The following SIN3B variants were observed in gnomAD, a reference collection of about 807,000 sequenced individuals.
SIN3B encodes the protein SIN3 transcription regulator family member B, also known as paired amphipathic helix protein Sin3b.
SIN3B carries 19 observed loss-of-function variants against 120.2 expected under a neutral mutation model. The ratio of observed to expected loss-of-function variants is 0.16; its 90% confidence interval spans 0.11 to 0.23. SIN3B has a LOEUF of 0.23. SIN3B is among the 10% of genes least tolerant of loss of function. The pLI is 1.00. For synonymous variants in SIN3B, 654 were observed against 653.2 expected (o/e 1.00, Z -0.02); for missense variants, 1,073 against 1,573.0 (o/e 0.68, Z 5.38).
chr19:16,855,382 C>A (rs868661896), intron 8 of SIN3B: 1 of 126,136 alleles, frequency 7.9e-6, no homozygotes, highest in Non-Finnish European at 1.8e-5. Context: ...CCCCCCCCCC[C>A]CCCAGCAAAA....
rs1274325390 is a variant in SIN3B at position 16,865,452 on chromosome 19, T to C, written c.1426T>C (p.Leu476=). Residue 476 remains leucine, a synonymous_variant, in exon 11 of 19, where the codon TTG becomes CTG. Coordinates refer to ENST00000248054, the MANE Select transcript of SIN3B (RefSeq NM_001297595.2). ...GACGAACCTGGCCACAATCCGTGTGTTGGAAAGTGTGCAGAAGAAGCTGTC... is the reference window on the plus strand; with the variant it reads ...GACGAACCTGGCCACAATCCGTGTGCTGGAAAGTGTGCAGAAGAAGCTGTC... ...LETNLATIRV[L]ESVQKKLSRM... The C allele has an allele frequency of 6.2e-7, 1 of 1,611,606 alleles. No individual in the cohort carries two copies. Among genetic ancestry groups the C allele is most frequent in the South Asian group, 1.1e-5 (1 of 91,016 alleles).
intron 5 of SIN3B, among the ~76,000 whole-genome samples, chr19:16,850,583 C>T (rs1971531694): frequency 6.6e-6 from 1 of 152,120 alleles, no homozygotes; most frequent in South Asian, 2.1e-4. Flanking sequence ...CACTTTAGGT[C>T]TTTGGGGGTG....
Position 16,850,722 on chromosome 19 carries a change from C to T in SIN3B, c.727-690C>T, listed in dbSNP as rs190201684. ...TGCAGAAAAGCTGCGGTCTGTCCAT[C>T]GTCCCCTGCCTGTCCAGCCTTCCAG... On this transcript the variant is annotated intron_variant, in intron 5 of 18. Transcript: ENST00000248054. Among the ~76,000 whole-genome samples, 74 of 152,306 alleles carry T rather than the reference C, an allele frequency of 4.9e-4. No homozygotes were observed. In the East Asian group the frequency reaches 0.014, roughly 29 times the overall value.
Position 16,841,938 on chromosome 19 carries a change from G to A in SIN3B, c.552G>A (p.Arg184=). 6.2e-7 allele frequency: 1 copy of A among 1,613,952 alleles called. No homozygotes were observed. The highest frequency in any genetic ancestry group is 1.1e-5 in the South Asian group (1 of 91,064). Residue 184 remains arginine (R), a synonymous_variant, in exon 4 of 19, where the codon AGG becomes AGA. Coordinates refer to ENST00000248054, the MANE Select transcript of SIN3B (RefSeq NM_001297595.2). Reference sequence around the variant, plus strand: ...TCCTAGACCACCCAGAAATCTACAGGTCATTCCTGGAGATCCTGCACACGT... The same window carrying A: ...TCCTAGACCACCCAGAAATCTACAGATCATTCCTGGAGATCCTGCACACGT... The part of the protein sequence containing the change: ...TRFLDHPEIY[R]SFLEILHTYQ...
chr19:16,851,473 C>G lies in SIN3B; in HGVS notation c.788C>G (p.Pro263Arg). ...SVQKNEHDKTPEHSRKRSRPS... is the reference protein window; with the variant it reads ...SVQKNEHDKTREHSRKRSRPS... ...CAGAAGAACGAGCACGACAAGACCC[C>G]GGAGCACAGCAGGAAGCGCTCCCGG... Residue 263 changes from proline (P) to arginine (R), a missense_variant, in exon 6 of 19, where the codon CCG becomes CGG. Physicochemically the swap from Pro to Arg is moderately radical, Grantham distance 103. Around this residue, in one of 7 missense-constraint regions of SIN3B, gnomAD observed 395 missense variants for 528.0 expected, o/e 0.75. Transcript: ENST00000248054. 6.2e-7 allele frequency: 1 copy of G among 1,610,102 alleles called. No homozygotes were observed. The highest frequency in any genetic ancestry group is 8.5e-7 in the Non-Finnish European group (1 of 1,178,452).
intron 3 of SIN3B, among the ~76,000 whole-genome samples, chr19:16,840,342 G>A (rs369127897): frequency 6.6e-6 from 1 of 152,300 alleles, no homozygotes; most frequent in East Asian, 1.9e-4. Context: ...CGTGCACAGA[G>A]AGAAGACCAC....
intron 2 of SIN3B, among the ~76,000 whole-genome samples, chr19:16,830,579 C>G (rs1210728841): frequency 6.6e-6 from 1 of 152,182 alleles, no homozygotes; most frequent in Non-Finnish European, 1.5e-5. Context: ...CCCTCTGACT[C>G]AGATTCTTGG....
At chr19:16,877,068 C>T in intron 16 of SIN3B, 1 of 190,958 alleles carries the variant, frequency 5.2e-6, no homozygotes, top group Non-Finnish European at 1.1e-5. Flanking sequence ...TTGGGGCCTG[C>T]AGCTCCCGGC....
intron 3 of SIN3B, among the ~76,000 whole-genome samples, 154 bp downstream of exon 3, chr19:16,831,801 A>T (rs1329618962): frequency 1.3e-5 from 2 of 152,200 alleles, no homozygotes; most frequent in Non-Finnish European, 2.9e-5. Flanking sequence ...CACAAATCAA[A>T]ATAGATATGG....
intron 17 of SIN3B, 82 bp downstream of exon 17, chr19:16,877,721 C>A: frequency 4.1e-6 from 4 of 973,886 alleles, no homozygotes; most frequent in African/African-American, 1.6e-5. Flanking sequence ...GGGGCTGGAC[C>A]ATGGCACACT....
At chr19:16,873,531 C>G (rs1039752472) in intron 14 of SIN3B, among the ~76,000 whole-genome samples, 3 of 151,284 alleles carry the variant, frequency 2.0e-5, no homozygotes, top group East Asian at 2.0e-4. Flanking sequence ...CTCCCCCCCC[C>G]CCCAGGCTGG....
intron 4 of SIN3B, among the ~76,000 whole-genome samples, chr19:16,844,683 A>G (rs1005186381): frequency 6.6e-6 from 1 of 152,202 alleles, no homozygotes; most frequent in Non-Finnish European, 1.5e-5. Flanking sequence ...TTCCTCAGGG[A>G]CACCTAGAAA....
At position 16,838,029 on chromosome 19, in the gene SIN3B, C is replaced by T. The variant is rs542895553; in HGVS notation, c.382-3739C>T. Among the ~76,000 whole-genome samples, 32 of 152,022 alleles carry T rather than the reference C, an allele frequency of 2.1e-4. 1 individual carries two copies. Among genetic ancestry groups the T allele is most frequent in the Admixed American group, 1.8e-3 (27 of 15,256 alleles). Reference sequence around the variant, plus strand: ...CAGTTCGAACTCTGCCTGATGAGGCCACCCAGGGCACGGGGAGAGAGGAGG... The same window carrying T: ...CAGTTCGAACTCTGCCTGATGAGGCTACCCAGGGCACGGGGAGAGAGGAGG... On this transcript the variant is annotated intron_variant, in intron 3 of 18. Coordinates refer to ENST00000248054, the MANE Select transcript of SIN3B (RefSeq NM_001297595.2).
chr19:16,836,261 T>G (rs112051154), intron 3 of SIN3B, among the ~76,000 whole-genome samples: 1,959 of 152,212 alleles, frequency 0.013, 43 homozygotes, highest in African/African-American at 0.045. Flanking sequence ...GTCCCCTGGG[T>G]GGCAGAGTTG....
rs758462129 is a variant in SIN3B, at chr19:16,862,445, G to T, written c.1152G>T (p.Gly384=). 1 of 1,614,178 alleles carries T rather than the reference G, an allele frequency of 6.2e-7. No individual in the cohort carries two copies. The highest frequency in any genetic ancestry group is 1.3e-5 in the African/African-American group (1 of 75,044). ...CCATGAGCGACAGATCCGGGGACGGGATAAGCCGGGAAATTGATTATGCAT... is the reference window on the plus strand; with the variant it reads ...CCATGAGCGACAGATCCGGGGACGGTATAAGCCGGGAAATTGATTATGCAT... The part of the protein sequence containing the change: ...APPMSDRSGD[G]ISREIDYASC... The change falls in exon 9 of 19, where the codon GGG becomes GGT. Residue 384 remains glycine (G), a synonymous_variant. Coordinates refer to ENST00000248054, the MANE Select transcript of SIN3B (RefSeq NM_001297595.2). The surrounding 1 kb of genome is among the most constrained non-coding windows in gnomAD (Gnocchi z 4.7).
In SIN3B at chr19:16,878,331, T is replaced by C; in HGVS notation, c.3103T>C (p.Phe1035Leu). The C allele has an allele frequency of 1.2e-6, 2 of 1,612,496 alleles. No homozygotes were observed. Among genetic ancestry groups the C allele is most frequent in the South Asian group, 1.1e-5 (1 of 90,896 alleles). ...RFKLSTHKMV[F>L]IVNSEDYMYR... Reference sequence around the variant, plus strand: ...CAAGCTCAGCACTCACAAGATGGTGTTCATCGTGAACTCCGAGGACTACAT... The same window carrying C: ...CAAGCTCAGCACTCACAAGATGGTGCTCATCGTGAACTCCGAGGACTACAT... The change falls in exon 18 of 19, where the codon TTC becomes CTC. Residue 1035 changes from phenylalanine (F) to leucine (L), a missense_variant. This residue lies in a region of SIN3B where 311 missense variants were observed against 400.3 expected (regional missense o/e 0.78). Coordinates refer to ENST00000248054, the MANE Select transcript of SIN3B (RefSeq NM_001297595.2).
intron 12 of SIN3B, among the ~76,000 whole-genome samples, chr19:16,866,875 G>C (rs1306509444): frequency 1.3e-5 from 2 of 152,190 alleles, no homozygotes; most frequent in Non-Finnish European, 2.9e-5. Context: ...TTCTGCCTCA[G>C]CCTCCTGAGT....
intron 9 of SIN3B, 198 bp from the exon 10 acceptor site, chr19:16,863,482 C>T (rs1971717373): frequency 1.7e-6 from 1 of 575,666 alleles, no homozygotes; most frequent in Non-Finnish European, 3.1e-6. Flanking sequence ...ACCAATCTCC[C>T]AGGATACCAA....
At chr19:16,835,665 A>G (rs545661452) in intron 3 of SIN3B, among the ~76,000 whole-genome samples, 94 of 151,900 alleles carry the variant, frequency 6.2e-4, no homozygotes, top group Middle Eastern at 3.4e-3. Flanking sequence ...TATTACAGGC[A>G]TGTGCCACCA....
Sources: gnomAD v4.1 joint callset for allele counts (sites outside exome capture counted in the v4.1 genomes callset) on GRCh38, gnomAD v4.1.1 for gene constraint, gnomAD v4.1.1 regional missense constraint, Gnocchi (gnomAD v3.1) non-coding constraint, MANE v1.5 for transcripts, NCBI Gene and HGNC (gene_info 2026-07-23, HGNC 2026-07-21) for gene names.